Variants in PKD2L2 observed in about 807,000 individuals in gnomAD.
PKD2L2 encodes the protein polycystin-2-like protein 2.
In PKD2L2, 67 loss-of-function variants were observed where a neutral mutation model predicts 83.9. That is an observed-to-expected ratio of 0.80 (90% CI 0.66 to 0.98). The LOEUF is 0.98. PKD2L2 is among the 50% of genes least tolerant of loss of function. PKD2L2 has a pLI of 0.00. For missense variants in PKD2L2, 632 were observed against 717.2 expected (o/e 0.88, Z 1.36); for synonymous variants, 223 against 237.8 (o/e 0.94, Z 0.57).
intron 8 of PKD2L2, among the ~76,000 whole-genome samples, chr5:137,910,394 T>A (rs1757730553): frequency 6.6e-6 from 1 of 151,948 alleles, no homozygotes; most frequent in South Asian, 2.1e-4. Flanking sequence ...GGTAGAGAAC[T>A]TTGAAATGGG....
intron 8 of PKD2L2, among the ~76,000 whole-genome samples, chr5:137,911,672 C>T (rs948630927): frequency 6.6e-6 from 1 of 152,126 alleles, no homozygotes; most frequent in Non-Finnish European, 1.5e-5. Flanking sequence ...GTGGTAAGAA[C>T]ATTTAAGATC....
chr5:137,909,921 A>AC (rs1413959518), intron 8 of PKD2L2, among the ~76,000 whole-genome samples: 1 of 152,096 alleles, frequency 6.6e-6, no homozygotes, highest in African/African-American at 2.4e-5. Context: ...CTAATCTGCC[A>AC]AACATGTATT....
chr5:137,911,936 C>G (rs1036891577), intron 8 of PKD2L2, among the ~76,000 whole-genome samples: 9 of 152,188 alleles, frequency 5.9e-5, no homozygotes, highest in African/African-American at 2.2e-4. Context: ...GCTTATTTCA[C>G]TTAATATGAT....
chr5:137,927,353 T>C (rs965612947), intron 12 of PKD2L2, among the ~76,000 whole-genome samples: 4 of 152,178 alleles, frequency 2.6e-5, no homozygotes, highest in Non-Finnish European at 4.4e-5. Context: ...AAAATTTAAA[T>C]TGAGGGACAT....
At chr5:137,928,376 A>G (rs929278237) in intron 12 of PKD2L2, among the ~76,000 whole-genome samples, 5 of 55,982 alleles carry the variant, frequency 8.9e-5, no homozygotes, top group African/African-American at 3.0e-4. Flanking sequence ...TGTCTCTACA[A>G]AAAGTACAAA....
At chr5:137,900,222 C>A (rs1436069489) in intron 5 of PKD2L2, among the ~76,000 whole-genome samples, 2 of 152,198 alleles carry the variant, frequency 1.3e-5, no homozygotes, top group East Asian at 3.9e-4. Flanking sequence ...TTGCAGTGAA[C>A]TCTAGTGTTA....
At chr5:137,919,272 T>TAAA (rs1206875452) in intron 8 of PKD2L2, among the ~76,000 whole-genome samples, 2 of 152,204 alleles carry the variant, frequency 1.3e-5, no homozygotes, top group Admixed American at 1.3e-4. Context: ...ATGGTGCTTT[T>TAAA]AGCTTGCAAA....
At chr5:137,917,342 T>C (rs1173982814) in intron 8 of PKD2L2, among the ~76,000 whole-genome samples, 2 of 152,124 alleles carry the variant, frequency 1.3e-5, no homozygotes, top group African/African-American at 2.4e-5. Context: ...TTTTGTATTT[T>C]TAGTAGAGTC....
At chr5:137,910,273 T>TAAA (rs1554107147) in intron 8 of PKD2L2, among the ~76,000 whole-genome samples, 78 of 139,976 alleles carry the variant, frequency 5.6e-4, no homozygotes, top group Admixed American at 1.0e-3. Flanking sequence ...ATAATAATAA[T>TAAA]AAAACTTGGT....
intron 8 of PKD2L2, among the ~76,000 whole-genome samples, chr5:137,912,362 C>T (rs1371791771): frequency 6.6e-6 from 1 of 151,948 alleles, no homozygotes; most frequent in Non-Finnish European, 1.5e-5. Flanking sequence ...GAGGTGATAT[C>T]TCATTTTGTT....
intron 1 of PKD2L2, 112 bp downstream of exon 1, chr5:137,889,634 C>T (rs2149993182): frequency 1.1e-6 from 1 of 879,902 alleles, no homozygotes; most frequent in South Asian, 2.2e-5. Context: ...CTGCCGACAC[C>T]TTTAGCCCTC....
intron 12 of PKD2L2, among the ~76,000 whole-genome samples, chr5:137,930,256 A>G (rs1759755068): frequency 6.6e-6 from 1 of 152,228 alleles, no homozygotes; most frequent in African/African-American, 2.4e-5. Flanking sequence ...TACATTCCAA[A>G]AGTTAATGCA....
At position 137,907,879 on chromosome 5, in the gene PKD2L2, A is replaced by C. The variant is rs1757489721; in HGVS notation, c.1113A>C (p.Ile371=). 1 of 1,467,620 alleles carries C rather than the reference A, an allele frequency of 6.8e-7. No individual in the cohort carries two copies. Among genetic ancestry groups the C allele is most frequent in the East Asian group, 2.3e-5 (1 of 43,832 alleles). 90.9% of individuals were successfully genotyped at this position (1,467,620 alleles called of 1,614,324 possible). A position where few individuals can be genotyped will look rare whatever the true frequency, so the allele number is the denominator to read the frequency against. The change falls in exon 7 of 15, where the codon ATA becomes ATC. Residue 371 remains isoleucine (I), a synonymous_variant. Transcript: ENST00000508883. Reference sequence around the variant, plus strand: ...GCTGGCACATTTATTACAATAATATAATTGCTATTACCATCTTTTTTGCAT... The same window carrying C: ...GCTGGCACATTTATTACAATAATATCATTGCTATTACCATCTTTTTTGCAT... ...LACWHIYYNN[I]IAITIFFAWI... is the part of the protein sequence containing the mutation.
chr5:137,921,836 T>C, intron 9 of PKD2L2, 80 bp downstream of exon 9: 1 of 1,077,104 alleles, frequency 9.3e-7, no homozygotes. Flanking sequence ...AAACTATTAT[T>C]TCTGCTCAGC....
intron 12 of PKD2L2, among the ~76,000 whole-genome samples, chr5:137,929,264 C>A (rs568361879): frequency 6.6e-6 from 1 of 151,922 alleles, no homozygotes; most frequent in Admixed American, 6.6e-5. Context: ...GAGTTTGAGA[C>A]CAGCCTGACA....
intron 14 of PKD2L2, chr5:137,939,454 T>A (rs973335904): frequency 6.5e-6 from 1 of 152,840 alleles, no homozygotes; most frequent in Non-Finnish European, 1.5e-5. Flanking sequence ...AATCACACCA[T>A]TGCCAGCGGA....
chr5:137,891,937 C>T (rs1323639601), intron 2 of PKD2L2, among the ~76,000 whole-genome samples: 1 of 152,166 alleles, frequency 6.6e-6, no homozygotes, highest in Non-Finnish European at 1.5e-5. Flanking sequence ...CCACCCACCT[C>T]AGCCTCCCAA....
chr5:137,932,275 G>A (rs1250765696), intron 12 of PKD2L2, among the ~76,000 whole-genome samples: 4 of 152,020 alleles, frequency 2.6e-5, no homozygotes, highest in South Asian at 4.2e-4. Flanking sequence ...TTGAACCCAG[G>A]AGGTGGAGGT....
intron 14 of PKD2L2, among the ~76,000 whole-genome samples, chr5:137,941,605 C>T (rs933639439): frequency 6.6e-6 from 1 of 152,214 alleles, no homozygotes; most frequent in African/African-American, 2.4e-5. Context: ...AAGGATACCA[C>T]TCCTGTCATG....
Sources: gnomAD v4.1 joint callset for allele counts (sites outside exome capture counted in the v4.1 genomes callset) on GRCh38, gnomAD v4.1.1 for gene constraint, MANE v1.5 for transcripts, NCBI Gene and HGNC (gene_info 2026-07-23, HGNC 2026-07-21) for gene names.